SRGAP2C: variants seen among roughly 807,000 people sequenced by gnomAD.
SRGAP2C encodes SLIT-ROBO Rho GTPase-activating protein 2C.
SRGAP2C carries 15 observed loss-of-function variants against 25.1 expected under a neutral mutation model. That is an observed-to-expected ratio of 0.60 (90% confidence interval 0.40 to 0.92). The LOEUF (loss-of-function observed/expected upper bound fraction) is 0.92, where lower values mean the gene tolerates loss of function less well. Among genes scored for constraint, SRGAP2C ranks in the 40% least tolerant of loss-of-function variants. The probability of loss-of-function intolerance (pLI) is 0.00; values close to 1 mark genes in which losing one functional copy is unlikely to be tolerated. For missense variants in SRGAP2C, 144 were observed against 264.4 expected (o/e 0.54, Z 3.16); for synonymous variants, 44 against 96.6 (o/e 0.46, Z 3.19).
At chr1:121,223,188 G>A (rs879979633) in intron 2 of SRGAP2C, among the ~76,000 whole-genome samples, 86 of 148,308 alleles carry the variant, frequency 5.8e-4, no homozygotes, top group Non-Finnish European at 1.1e-3. Flanking sequence ...GGGAGGGAAA[G>A]TCTTCTCGAA....
intron 2 of SRGAP2C, among the ~76,000 whole-genome samples, chr1:121,223,150 C>T (rs1655575056): frequency 6.7e-6 from 1 of 148,852 alleles, no homozygotes; most frequent in African/African-American, 2.5e-5. Context: ...CTCTGTGCTG[C>T]CCTTTCCCAA....
intron 2 of SRGAP2C, among the ~76,000 whole-genome samples, chr1:121,263,592 G>A (rs1260069663): frequency 6.6e-6 from 1 of 151,658 alleles, no homozygotes; most frequent in Non-Finnish European, 1.5e-5. Flanking sequence ...CATGTAGTGT[G>A]TTCAGGGTCC....
intron 2 of SRGAP2C, among the ~76,000 whole-genome samples, chr1:121,259,862 TTTTTTA>T (rs1292943935): frequency 2.2e-5 from 3 of 136,300 alleles, no homozygotes; most frequent in African/African-American, 8.5e-5. Context: ...TTTTTTTTTT[TTTTTTA>T]AAGAGACAAG....
intron 2 of SRGAP2C, among the ~76,000 whole-genome samples, chr1:121,259,511 C>A (rs1162040353): frequency 7.2e-6 from 1 of 139,144 alleles, no homozygotes; most frequent in East Asian, 2.2e-4. Flanking sequence ...GAGTAGAAGA[C>A]CCTTTTTTTC....
intron 6 of SRGAP2C, among the ~76,000 whole-genome samples, chr1:121,374,533 C>A (rs1206577703): frequency 2.0e-5 from 3 of 151,990 alleles, no homozygotes; most frequent in South Asian, 2.1e-4. Flanking sequence ...TGTTCAGGGG[C>A]AAGAGTAGTG....
Position 121,250,238 on chromosome 1 carries a change from T to C in SRGAP2C, c.68-34565T>C, listed in dbSNP as rs1325389243. On this transcript the variant is annotated intron_variant, in intron 2 of 9. Coordinates refer to ENST00000367123, the MANE Select transcript of SRGAP2C (RefSeq NM_001329984.2). ...AAAGTATTAGTATAAAGATAACCAC[T>C]AGAACAAAAATGCGGACTCCCCTAA... Among the ~76,000 whole-genome samples, 60 of 89,560 alleles carry C rather than the reference T, an allele frequency of 6.7e-4. 6 individuals are homozygous for C. Among genetic ancestry groups the C allele is most frequent in the African/African-American group, 2.8e-3 (59 of 21,322 alleles). 58.8% of individuals were successfully genotyped at this position (89,560 alleles called of 152,430 possible). A position where few individuals can be genotyped will look rare whatever the true frequency, so the allele number is the denominator to read the frequency against.
intron 2 of SRGAP2C, among the ~76,000 whole-genome samples, chr1:121,208,156 A>C (rs1655162504): frequency 6.6e-6 from 1 of 152,234 alleles, no homozygotes; most frequent in Admixed American, 6.5e-5. Flanking sequence ...ATATATATTA[A>C]GATTTTATTT....
At chr1:121,336,277 A>G (rs1419283504) in intron 4 of SRGAP2C, among the ~76,000 whole-genome samples, 1 of 149,590 alleles carries the variant, frequency 6.7e-6, no homozygotes, top group Non-Finnish European at 1.5e-5. Context: ...GTTTGAGGCT[A>G]TTATGTATGT....
chr1:121,374,515 G>T (rs1370091165), intron 6 of SRGAP2C, among the ~76,000 whole-genome samples: 1 of 152,118 alleles, frequency 6.6e-6, no homozygotes, highest in Non-Finnish European at 1.5e-5. Flanking sequence ...TTGGTTTCAG[G>T]TATCAGGTGT....
chr1:121,306,802 C>G (rs1657851540), intron 3 of SRGAP2C, among the ~76,000 whole-genome samples: 1 of 152,082 alleles, frequency 6.6e-6, no homozygotes, highest in South Asian at 2.1e-4. Context: ...GACCATTACT[C>G]TGGAACAGTG....
chr1:121,214,115 C>T (rs1400940214), intron 2 of SRGAP2C, among the ~76,000 whole-genome samples: 1 of 150,500 alleles, frequency 6.6e-6, no homozygotes, highest in East Asian at 2.0e-4. Context: ...GATTCTCCTT[C>T]CTCAGCCTCC....
chr1:121,321,755 A>T (rs1298815846), intron 3 of SRGAP2C, among the ~76,000 whole-genome samples: 1 of 151,928 alleles, frequency 6.6e-6, no homozygotes, highest in Admixed American at 6.6e-5. Context: ...TTATTTTAAA[A>T]GATTTCTACT....
At chr1:121,314,328 TA>T (rs1658042667) in intron 3 of SRGAP2C, among the ~76,000 whole-genome samples, 1 of 150,948 alleles carries the variant, frequency 6.6e-6, no homozygotes, top group Admixed American at 6.6e-5. Flanking sequence ...TACATTCTTC[TA>T]AACTTTTTTC....
chr1:121,313,686 G>T (rs1658016588), intron 3 of SRGAP2C, among the ~76,000 whole-genome samples: 1 of 90,020 alleles, frequency 1.1e-5, no homozygotes, highest in Non-Finnish European at 2.4e-5. Flanking sequence ...CTCTTATGAA[G>T]CTTAGTTTGG....
chr1:121,234,999 C>G (rs782397088), intron 2 of SRGAP2C, among the ~76,000 whole-genome samples: 13 of 150,550 alleles, frequency 8.6e-5, no homozygotes, highest in Admixed American at 8.6e-4. Flanking sequence ...TTCACTCTCT[C>G]TCTCTTTCTT....
intron 3 of SRGAP2C, among the ~76,000 whole-genome samples, chr1:121,312,790 T>C (rs1482817104): frequency 1.5e-4 from 3 of 20,514 alleles, no homozygotes; most frequent in East Asian, 3.3e-3. Context: ...GTCTGAGAGA[T>C]AGTTTGTTAT....
chr1:121,190,287 C>T (rs1418579052), intron 2 of SRGAP2C, among the ~76,000 whole-genome samples: 1 of 145,998 alleles, frequency 6.8e-6, no homozygotes, highest in South Asian at 2.2e-4. Flanking sequence ...GCTGTAACAG[C>T]TATGCAGTTT....
chr1:121,263,304 A>T (rs1401936163), intron 2 of SRGAP2C, among the ~76,000 whole-genome samples: 1 of 151,438 alleles, frequency 6.6e-6, no homozygotes, highest in Non-Finnish European at 1.5e-5. Flanking sequence ...AGCCTGGGTG[A>T]CAAAGCAAGA....
At chr1:121,203,507 CAG>C (rs1390284059) in intron 2 of SRGAP2C, among the ~76,000 whole-genome samples, 20 of 145,330 alleles carry the variant, frequency 1.4e-4, no homozygotes, top group African/African-American at 5.2e-4. Context: ...AGAAATAATG[CAG>C]AGAGATTGCA....
Sources: gnomAD v4.1 joint callset for allele counts (sites outside exome capture counted in the v4.1 genomes callset) on GRCh38, gnomAD v4.1.1 for gene constraint, MANE v1.5 for transcripts, NCBI Gene and HGNC (gene_info 2026-07-23, HGNC 2026-07-21) for gene names.